The following MAP2K1 variants were observed in gnomAD, a reference collection of about 807,000 sequenced individuals.
The protein encoded by MAP2K1 is dual specificity mitogen-activated protein kinase kinase 1.
In MAP2K1, 16 loss-of-function variants were observed where a neutral mutation model predicts 46.3. The ratio of observed to expected loss-of-function variants is 0.35; its 90% CI spans 0.23 to 0.52. The LOEUF is 0.52. MAP2K1 is among the 20% of genes least tolerant of loss of function. MAP2K1 has a pLI of 0.94. For synonymous variants in MAP2K1, 183 were observed against 185.6 expected (o/e 0.99, Z 0.11); for missense variants, 263 against 497.1 (o/e 0.53, Z 4.48).
At chr15:66,468,976 G>A (rs1406023798) in intron 5 of MAP2K1, among the ~76,000 whole-genome samples, 1 of 136,384 alleles carries the variant, frequency 7.3e-6, no homozygotes, top group Non-Finnish European at 1.6e-5. Flanking sequence ...TTTTTTTTTT[G>A]GCTGAGCACA....
chr15:66,438,115 C>T (rs2093493671), intron 3 of MAP2K1, among the ~76,000 whole-genome samples: 1 of 146,102 alleles, frequency 6.8e-6, no homozygotes, highest in African/African-American at 2.5e-5. Context: ...TAGACAGAGT[C>T]TCGCCCTGTC....
intron 1 of MAP2K1, among the ~76,000 whole-genome samples, chr15:66,423,761 C>T (rs1189345883): frequency 2.0e-5 from 3 of 151,148 alleles, no homozygotes; most frequent in Admixed American, 1.3e-4. Context: ...GCATGCACCA[C>T]CATGCCCGGC....
chr15:66,469,729 G>A (rs1466340151), intron 5 of MAP2K1, among the ~76,000 whole-genome samples: 5 of 26,580 alleles, frequency 1.9e-4, no homozygotes, highest in African/African-American at 4.3e-4. Flanking sequence ...CACACATATC[G>A]GATGTTAGCT....
intron 5 of MAP2K1, among the ~76,000 whole-genome samples, chr15:66,473,773 G>A (rs1892694607): frequency 6.6e-6 from 1 of 152,196 alleles, no homozygotes; most frequent in Non-Finnish European, 1.5e-5. Flanking sequence ...TGCTTCCCGG[G>A]TTCAATGAGT....
chr15:66,458,537 A>AG (rs1326762623), intron 5 of MAP2K1, among the ~76,000 whole-genome samples: 6 of 152,194 alleles, frequency 3.9e-5, no homozygotes, highest in African/African-American at 1.2e-4. Flanking sequence ...AACGAATGAC[A>AG]GGTCTCGCTC....
intron 1 of MAP2K1, among the ~76,000 whole-genome samples, chr15:66,392,254 GGTTTTT>G (rs916053834): frequency 1.8e-4 from 14 of 79,666 alleles, no homozygotes; most frequent in South Asian, 6.1e-4. Context: ...GTTTTTTTTG[GGTTTTT>G]TTTTTTTTTT....
chr15:66,485,559 C>T (rs1421948473), intron 7 of MAP2K1, among the ~76,000 whole-genome samples: 2 of 151,898 alleles, frequency 1.3e-5, no homozygotes, highest in Non-Finnish European at 2.9e-5. Flanking sequence ...TCCAGAGTAG[C>T]TGGGACTACA....
intron 1 of MAP2K1, among the ~76,000 whole-genome samples, chr15:66,428,237 G>A (rs1262947253): frequency 1.3e-5 from 2 of 150,508 alleles, no homozygotes; most frequent in Non-Finnish European, 2.9e-5. Flanking sequence ...CTATATTAGG[G>A]TTCACCAGAG....
chr15:66,428,226 C>A (rs1595857294), intron 1 of MAP2K1, among the ~76,000 whole-genome samples: 1 of 150,900 alleles, frequency 6.6e-6, no homozygotes, highest in East Asian at 1.9e-4. Flanking sequence ...CCCCTCCTTC[C>A]CTATATTAGG....
At chr15:66,482,975 G>A (rs1667222915) in intron 6 of MAP2K1, among the ~76,000 whole-genome samples, 1 of 152,098 alleles carries the variant, frequency 6.6e-6, no homozygotes, top group African/African-American at 2.4e-5. Flanking sequence ...CACATGTCAT[G>A]TCCCTGGAAG....
Position 66,443,372 on chromosome 15 carries a change from A to G in MAP2K1, c.516+15A>G. The G allele has an allele frequency of 6.6e-7, 1 of 1,524,282 alleles. No homozygotes were observed. 94.4% of individuals were successfully genotyped at this position (1,524,282 alleles called of 1,614,324 possible). On this transcript the variant is annotated intron_variant, in intron 4 of 10. Transcript: ENST00000307102. The stretch of plus-strand genomic sequence containing the variant: ...TTAGCATTGCTGTGAGTATGTTATG[A>G]AGTTTTTCTTCTAAGTTCCTCATTG...
intron 1 of MAP2K1, among the ~76,000 whole-genome samples, chr15:66,413,875 G>T (rs2093417580): frequency 6.7e-6 from 1 of 149,558 alleles, no homozygotes; most frequent in African/African-American, 2.5e-5. Flanking sequence ...GGGGTTTTTG[G>T]GTCTTCTGTT....
intron 5 of MAP2K1, among the ~76,000 whole-genome samples, chr15:66,458,721 C>T (rs1448157233): frequency 6.6e-6 from 1 of 152,184 alleles, no homozygotes; most frequent in Non-Finnish European, 1.5e-5. Context: ...CGGTCTCTCT[C>T]TGTTGCCCAG....
intron 5 of MAP2K1, among the ~76,000 whole-genome samples, chr15:66,449,253 TA>T (rs1891970575): frequency 6.6e-6 from 1 of 152,304 alleles, no homozygotes; most frequent in Admixed American, 6.5e-5. Context: ...GATGAGTGGG[TA>T]CATTTTAGTG....
At chr15:66,420,630 T>A (rs1299219365) in intron 1 of MAP2K1, among the ~76,000 whole-genome samples, 2 of 149,470 alleles carry the variant, frequency 1.3e-5, no homozygotes, top group Non-Finnish European at 3.0e-5. Context: ...TATTTATTTT[T>A]CAAAATAAAT....
intron 1 of MAP2K1, among the ~76,000 whole-genome samples, chr15:66,429,685 C>CT (rs2093470108): frequency 7.7e-6 from 1 of 129,618 alleles, no homozygotes; most frequent in Non-Finnish European, 1.7e-5. Flanking sequence ...CCCCGTCCCC[C>CT]CCAACACAGA....
chr15:66,435,738 C>CT (rs2093486314), intron 2 of MAP2K1, among the ~76,000 whole-genome samples: 1 of 152,106 alleles, frequency 6.6e-6, no homozygotes, highest in African/African-American at 2.4e-5. Flanking sequence ...ATAAGTGACT[C>CT]TTTTTTAGCC....
intron 1 of MAP2K1, among the ~76,000 whole-genome samples, chr15:66,403,758 GA>G (rs1298186805): frequency 1.3e-5 from 2 of 152,050 alleles, no homozygotes; most frequent in African/African-American, 4.8e-5. Flanking sequence ...CTTCTTTATT[GA>G]ATTATAATTT....
intron 1 of MAP2K1, among the ~76,000 whole-genome samples, chr15:66,426,270 A>C (rs2093458445): frequency 6.6e-6 from 1 of 152,008 alleles, no homozygotes; most frequent in South Asian, 2.1e-4. Context: ...GGCTACAAAA[A>C]ATAAAAAATA....
Sources: gnomAD v4.1 joint callset for allele counts (sites outside exome capture counted in the v4.1 genomes callset) on GRCh38, gnomAD v4.1.1 for gene constraint, MANE v1.5 for transcripts, NCBI Gene and HGNC (gene_info 2026-07-23, HGNC 2026-07-21) for gene names.